Variants in PRDM8 observed in about 807,000 individuals in gnomAD.
PRDM8 encodes PR/SET domain 8.
In PRDM8, 13 loss-of-function variants were observed where a neutral mutation model predicts 46.5. The observed-to-expected ratio is 0.28, with a 90% CI of 0.18 to 0.44. PRDM8 has a LOEUF of 0.44. PRDM8 is among the 20% of genes least tolerant of loss of function. PRDM8 has a pLI of 1.00. For missense variants in PRDM8, 998 were observed against 955.0 expected, an observed-to-expected ratio of 1.04 and a Z score of -0.59; for synonymous variants, 473 against 438.4, an observed-to-expected ratio of 1.08 and a Z score of -0.98.
chr4:80,197,791 G>C, intron 1 of PRDM8, 28 bp downstream of exon 1: 1 of 984,894 alleles, frequency 1.0e-6, no homozygotes, highest in South Asian at 4.7e-5. Context: ...GATGTGGGAG[G>C]GGGATGGGAG....
Position 80,200,305 on chromosome 4 carries a change from T to C in PRDM8, c.219+6T>C. The stretch of plus-strand genomic sequence containing the variant: ...CAGTACCGTATATCTTTCGGGTAAG[T>C]CTCCACTGTAGCTGTGTAGGTGTAT... On this transcript the variant is annotated splice_donor_region_variant and intron_variant, in intron 2 of 3. Coordinates refer to ENST00000415738, the MANE Select transcript of PRDM8 (RefSeq NM_001099403.2). The C allele has an allele frequency of 2.5e-6, 4 of 1,602,278 alleles. No individual in the cohort carries two copies. Among genetic ancestry groups the C allele is most frequent in the South Asian group, 2.2e-5 (2 of 90,828 alleles).
Position 80,202,083 on chromosome 4 carries a change from CGGT to C in PRDM8, c.624_626del (p.Gly209del). On this transcript the variant is annotated inframe_deletion, in exon 4 of 4. Coordinates refer to ENST00000415738, the MANE Select transcript of PRDM8 (RefSeq NM_001099403.2). Reference sequence around the variant, plus strand: ...CCAAGGACCACGGGGGCGGCGGCGGCGGTGGCAAAGACCAGCAGCAGCAGCAGC... The same window carrying C: ...CCAAGGACCACGGGGGCGGCGGCGGCGGCAAAGACCAGCAGCAGCAGCAGC... 2 of 1,612,846 alleles carry C rather than the reference CGGT, an allele frequency of 1.2e-6. No individual in the cohort carries two copies. The highest frequency in any genetic ancestry group is 1.7e-6 in the Non-Finnish European group (2 of 1,179,616).
At chr4:80,199,405 G>A (rs1738246468) in intron 1 of PRDM8, among the ~76,000 whole-genome samples, 2 of 152,116 alleles carry the variant, frequency 1.3e-5, no homozygotes, top group Non-Finnish European at 2.9e-5. Flanking sequence ...AGCCTCAGAG[G>A]AACAGTGTTG....
Position 80,203,476 on chromosome 4 carries a change from A to C in PRDM8, c.2014A>C (p.Asn672His), listed in dbSNP as rs761237302. The C allele has an allele frequency of 6.8e-6, 11 of 1,613,502 alleles. No individual in the cohort carries two copies. The South Asian group carries it at 1.2e-4, about 18-fold the overall frequency. ...REEKLKCPIC[N>H]ESFRERHHLS... ...GGAGAAACTCAAGTGCCCCATCTGC[A>C]ATGAGTCCTTCAGGGAGCGCCACCA... The change falls in exon 4 of 4, where the codon AAT (asparagine) becomes CAT (histidine). Residue 672 changes from asparagine (N) to histidine (H), a missense_variant. Coordinates refer to ENST00000415738, the MANE Select transcript of PRDM8 (RefSeq NM_001099403.2).
intron 1 of PRDM8, among the ~76,000 whole-genome samples, chr4:80,186,570 T>TTTC (rs1171665139): frequency 6.6e-6 from 1 of 152,056 alleles, no homozygotes; most frequent in Non-Finnish European, 1.5e-5. Context: ...GGTCTCCTCT[T>TTTC]TTCTCCCTTC....
chr4:80,195,518 GTGTT>G (rs1317755694), upstream of PRDM8, among the ~76,000 whole-genome samples: 2 of 151,678 alleles, frequency 1.3e-5, no homozygotes, highest in Non-Finnish European at 2.9e-5. Flanking sequence ...GTGTGTGTGT[GTGTT>G]TGTGTGTGTG....
upstream of PRDM8, among the ~76,000 whole-genome samples, chr4:80,193,525 A>C (rs1283069042): frequency 6.6e-6 from 1 of 152,246 alleles, no homozygotes; most frequent in Non-Finnish European, 1.5e-5. Context: ...TTTTTGGCAC[A>C]GGCCTGGTGT....
Position 80,203,610 on chromosome 4 carries a change from C to G in PRDM8, c.*78C>G. On this transcript the variant is annotated 3_prime_UTR_variant, in exon 4 of 4. Transcript: ENST00000415738. ...GCAGGAATAAACACGCGAGAACATC[C>G]ACCGCTTCCTTGCACCCCGAAACCC... The G allele has an allele frequency of 6.7e-7, 1 of 1,487,670 alleles. No individual in the cohort carries two copies. The allele number at this position is 1,487,670 out of a possible 1,614,324, so 92.2% of individuals were successfully genotyped here.
upstream of PRDM8, chr4:80,196,633 C>A: frequency 1.0e-6 from 1 of 983,998 alleles, no homozygotes; most frequent in Non-Finnish European, 1.2e-6. Flanking sequence ...CACCCTTGCC[C>A]CCCAACCCCA....
At chr4:80,194,191 A>C, upstream of PRDM8, 1 of 981,868 alleles carries the variant, frequency 1.0e-6, no homozygotes, top group Non-Finnish European at 1.2e-6. Context: ...AGTTTCCTAC[A>C]TGTGTATTTT....
intron 1 of PRDM8, among the ~76,000 whole-genome samples, chr4:80,187,255 G>GGGGGGGT (rs61665794): frequency 7.0e-6 from 1 of 143,450 alleles, no homozygotes; most frequent in Non-Finnish European, 1.5e-5. Flanking sequence ...GGGGCGGGGG[G>GGGGGGGT]AAGCAGAAGA....
At chr4:80,189,058 G>A (rs745707656) in intron 1 of PRDM8, among the ~76,000 whole-genome samples, 1 of 152,166 alleles carries the variant, frequency 6.6e-6, no homozygotes, top group African/African-American at 2.4e-5. Flanking sequence ...GTCCGCATCT[G>A]AGCCACAGCC....
intron 1 of PRDM8, among the ~76,000 whole-genome samples, chr4:80,199,353 G>A (rs1263008084): frequency 2.0e-5 from 3 of 151,846 alleles, no homozygotes; most frequent in South Asian, 2.1e-4. Context: ...AAATAAGCAC[G>A]TCCAGAAAAA....
rs1258951953 is a variant in PRDM8 at position 80,189,540 on chromosome 4, A to G, written c.-982-1932A>G. 2.0e-5 allele frequency among the ~76,000 whole-genome samples: 3 copies of G among 152,190 alleles called. No individual in the cohort carries two copies. In the East Asian group the frequency reaches 5.8e-4, roughly 29 times the overall value. ...TCAGCCCTCGCTGGGTCACTTGGAAAGTGGGTTCACAATACAGTTCCCAGT... is the reference window on the plus strand; with the variant it reads ...TCAGCCCTCGCTGGGTCACTTGGAAGGTGGGTTCACAATACAGTTCCCAGT... On this transcript the variant is annotated intron_variant, in intron 1 of 9. Coordinates refer to the PRDM8 transcript ENST00000339711.
Position 80,203,696 on chromosome 4 carries a change from C to A in PRDM8, c.*164C>A. ...CCCCCAACGCGCACACACACGTCCT[C>A]TCCTCCCAGGAACCTCATTCAAATA... On this transcript the variant is annotated 3_prime_UTR_variant, in exon 4 of 4. Transcript: ENST00000415738. The A allele has an allele frequency of 1.6e-6, 2 of 1,259,678 alleles. No individual in the cohort carries two copies. The highest frequency in any genetic ancestry group is 1.6e-5 in the South Asian group (1 of 62,752). The allele number at this position is 1,259,678 out of a possible 1,614,324, so 78.0% of individuals were successfully genotyped here.
At chr4:80,193,527 G>T (rs1013210924), upstream of PRDM8, among the ~76,000 whole-genome samples, 2 of 152,148 alleles carry the variant, frequency 1.3e-5, no homozygotes, top group Non-Finnish European at 2.9e-5. Context: ...TTTGGCACAG[G>T]CCTGGTGTTT....
rs532837782 is a variant in PRDM8 at position 80,188,053 on chromosome 4, C to T, written c.-983+2535C>T. 4.6e-5 allele frequency among the ~76,000 whole-genome samples: 7 copies of T among 152,326 alleles called. No individual in the cohort carries two copies. In the South Asian group the frequency reaches 1.4e-3, roughly 32 times the overall value. On this transcript the variant is annotated intron_variant, in intron 1 of 9. Transcript: ENST00000339711. ...ACTAAAGACAAAAGGCCAGGAGGAC[C>T]CGCATTCAGCTTCCACAAGGGTCAC... is the stretch of plus-strand genomic sequence containing the variant.
At chr4:80,188,858 G>A (rs1241766192) in intron 1 of PRDM8, among the ~76,000 whole-genome samples, 2 of 152,256 alleles carry the variant, frequency 1.3e-5, no homozygotes, top group Non-Finnish European at 2.9e-5. Flanking sequence ...TCTGTCGTGC[G>A]GCCCACAGGG....
intron 1 of PRDM8, among the ~76,000 whole-genome samples, chr4:80,199,600 G>A (rs1218643361): frequency 1.3e-5 from 2 of 151,904 alleles, no homozygotes; most frequent in Admixed American, 6.6e-5. Context: ...CGGGCACCCA[G>A]TTCAATACAT....
Sources: allele counts gnomAD v4.1 joint callset (sites outside exome capture counted in the v4.1 genomes callset), GRCh38; gene constraint gnomAD v4.1.1; transcripts MANE v1.5; gene names NCBI Gene and HGNC (gene_info 2026-07-23, HGNC 2026-07-21).